Variants in ANKRD11 observed in about 807,000 individuals in gnomAD.
The protein encoded by ANKRD11 is ankyrin repeat domain-containing protein 11.
Under a neutral mutation model 195.7 loss-of-function variants are expected in ANKRD11, and 17 were observed. The observed-to-expected ratio is 0.09, with a 90% confidence interval of 0.06 to 0.13. The LOEUF (loss-of-function observed/expected upper bound fraction) is 0.13, where lower values mean the gene tolerates loss of function less well. Among genes scored for constraint, ANKRD11 ranks in the 10% least tolerant of loss-of-function variants. The pLI is 1.00. For synonymous variants in ANKRD11, 1,953 were observed against 1,528.1 expected (o/e 1.28, Z -6.49); for missense variants, 3,735 against 3,566.1 (o/e 1.05, Z -1.21).
chr16:89,286,222 GAGA>G, intron 7 of ANKRD11, 36 bp from the exon 8 acceptor site: 1 of 1,608,162 alleles, frequency 6.2e-7, no homozygotes, highest in Non-Finnish European at 8.5e-7. Flanking sequence ...GGGACTGCTG[GAGA>G]AGCACAACTC....
intron 1 of ANKRD11, among the ~76,000 whole-genome samples, chr16:89,447,450 G>C (rs1207376144): frequency 1.3e-5 from 2 of 152,140 alleles, no homozygotes; most frequent in African/African-American, 2.4e-5. Context: ...ACCCAAATCA[G>C]AGGGTCCTCA....
rs79792635 is a variant in ANKRD11, at chr16:89,381,727, G to T, written c.-60+36557C>A. 5.2e-3 allele frequency among the ~76,000 whole-genome samples: 794 copies of T among 152,224 alleles called. 28 individuals carry two copies. The highest frequency in any genetic ancestry group is 0.041 in the Admixed American group (622 of 15,288). ...CTCTGCTACTCACATTCAGACTGGA[G>T]AATACCTGTCAGCATATACACCCCT... On this transcript the variant is annotated intron_variant, in intron 2 of 12. Transcript: ENST00000301030.
In ANKRD11 at chr16:89,301,328, A is replaced by G. The variant is rs138991911; in HGVS notation, c.226+3878T>C. Reference sequence around the variant, plus strand: ...ATAAAAAAGTAGACAAAGTAGTATCATTTGAAGCAAATCCCAGATATCATA... The same window carrying G: ...ATAAAAAAGTAGACAAAGTAGTATCGTTTGAAGCAAATCCCAGATATCATA... On this transcript the variant is annotated intron_variant, in intron 4 of 12. Transcript: ENST00000301030. 5.2e-3 allele frequency: 2,020 copies of G among 387,176 alleles called. 11 individuals are homozygous for G. The highest frequency in any genetic ancestry group is 0.029 in the South Asian group (204 of 7,090). 24.0% of individuals were successfully genotyped at this position (387,176 alleles called of 1,614,324 possible).
rs1257714722 is a variant in ANKRD11, at chr16:89,384,874, G to GTTTTTTTTTTTTT, written c.-60+33409_-60+33410insAAAAAAAAAAAAA. ...GTGTGGGAGCACACAATGAGAAATA[G>GTTTTTTTTTTTTT]TTTTCTTTTTTTTTTTTTTTTTTTT... On this transcript the variant is annotated intron_variant, in intron 2 of 12. Coordinates refer to ENST00000301030, the MANE Select transcript of ANKRD11 (RefSeq NM_013275.6). Among the ~76,000 whole-genome samples, 10 of 72,742 alleles carry GTTTTTTTTTTTTT rather than the reference G, an allele frequency of 1.4e-4. 1 individual carries two copies. Among genetic ancestry groups the GTTTTTTTTTTTTT allele is most frequent in the African/African-American group, 4.5e-4 (8 of 17,756 alleles). 47.7% of individuals were successfully genotyped at this position (72,742 alleles called of 152,430 possible).
At chr16:89,445,013 C>T (rs115905540) in intron 1 of ANKRD11, among the ~76,000 whole-genome samples, 263 of 152,228 alleles carry the variant, frequency 1.7e-3, no homozygotes, top group African/African-American at 6.1e-3. Flanking sequence ...CACACAGACC[C>T]GTTCAGCACC....
chr16:89,285,228 C>T lies in ANKRD11; in HGVS notation c.1314G>A (p.Lys438=), dbSNP rs2034566336. The change falls in exon 9 of 13, where the codon AAG becomes AAA. Residue 438 remains lysine, a synonymous_variant. Transcript: ENST00000301030. The surrounding 1 kb of genome is among the most constrained non-coding windows in gnomAD (Gnocchi z 5.6). The part of the protein sequence containing the change: ...LSAHTILPGS[K]TREPSNAKQQ... ...GCTTGGCATTAGAAGGCTCTCGTGT[C>T]TTACTACCAGGCAATATCGTATGTG... 3 of 1,613,796 alleles carry T rather than the reference C, an allele frequency of 1.9e-6. No individual in the cohort carries two copies. The highest frequency in any genetic ancestry group is 2.5e-6 in the Non-Finnish European group (3 of 1,180,020).
chr16:89,288,949 G>A (rs561641676), intron 6 of ANKRD11: 3 of 549,298 alleles, frequency 5.5e-6, no homozygotes, highest in South Asian at 4.0e-5. Context: ...AAAAGGGTAG[G>A]AAATCAGTGA....
At chr16:89,462,150 C>T (rs1249897867) in intron 1 of ANKRD11, among the ~76,000 whole-genome samples, 1 of 152,006 alleles carries the variant, frequency 6.6e-6, no homozygotes, top group Non-Finnish European at 1.5e-5. Context: ...GACTGTACTG[C>T]TGCCATCTCG....
At chr16:89,432,280 C>T (rs970369104) in intron 1 of ANKRD11, among the ~76,000 whole-genome samples, 6 of 148,688 alleles carry the variant, frequency 4.0e-5, no homozygotes, top group Non-Finnish European at 8.9e-5. Flanking sequence ...CACACACACC[C>T]CTGGAAAATA....
chr16:89,458,272 T>G (rs1567833208), intron 1 of ANKRD11, among the ~76,000 whole-genome samples: 3 of 152,102 alleles, frequency 2.0e-5, no homozygotes. Flanking sequence ...TCACCCAGGT[T>G]GGAGTGCAGT....
Position 89,305,242 on chromosome 16 carries a change from C to T in ANKRD11, c.190G>A (p.Ala64Thr), listed in dbSNP as rs758197438. The stretch of plus-strand genomic sequence containing the variant: ...TCCTTCTGCTCCCCATTGGCGCCCG[C>T]GGTGAAGGGCAGCTTCCGCTTGCTG... Reference protein sequence around the residue: ...RASKRKLPFTAGANGEQKDSD... With the variant: ...RASKRKLPFTTGANGEQKDSD... Residue 64 changes from alanine to threonine, a missense_variant, in exon 4 of 13, where the codon GCG becomes ACG. Transcript: ENST00000301030. 2.2e-5 allele frequency: 36 copies of T among 1,613,690 alleles called. No individual in the cohort carries two copies. The highest frequency in any genetic ancestry group is 1.1e-4 in the East Asian group (5 of 44,896).
At chr16:89,309,006 G>A (rs530582343) in intron 3 of ANKRD11, among the ~76,000 whole-genome samples, 26 of 152,310 alleles carry the variant, frequency 1.7e-4, no homozygotes, top group South Asian at 4.1e-4. Flanking sequence ...ATAAGACTGG[G>A]CTCAATCCCT....
At chr16:89,395,269 G>A (rs538112912) in intron 2 of ANKRD11, among the ~76,000 whole-genome samples, 1 of 152,352 alleles carries the variant, frequency 6.6e-6, no homozygotes, top group Admixed American at 6.5e-5. Flanking sequence ...GAAGGGCTGC[G>A]TACTGCCAGA....
At chr16:89,352,664 T>G (rs1208920380) in intron 2 of ANKRD11, among the ~76,000 whole-genome samples, 1 of 152,146 alleles carries the variant, frequency 6.6e-6, no homozygotes, top group African/African-American at 2.4e-5. Context: ...AGCACCAAAG[T>G]GTTCTGTGCC....
At chr16:89,333,913 T>C (rs1304151984) in intron 2 of ANKRD11, among the ~76,000 whole-genome samples, 1 of 152,044 alleles carries the variant, frequency 6.6e-6, no homozygotes, top group African/African-American at 2.4e-5. Context: ...AGAGATAAAC[T>C]ACTTTCTCAC....
Position 89,281,975 on chromosome 16 carries a change from G to C in ANKRD11, c.4567C>G (p.Pro1523Ala). Reference protein sequence around the residue: ...VLKDKSRDEGPRLGDAKLKEK... With the variant: ...VLKDKSRDEGARLGDAKLKEK... ...TTCAGTTTGGCATCGCCGAGCCTCGGGCCCTCGTCCCTGGACTTGTCTTTG... is the reference window on the plus strand; with the variant it reads ...TTCAGTTTGGCATCGCCGAGCCTCGCGCCCTCGTCCCTGGACTTGTCTTTG... The change falls in exon 9 of 13, where the codon CCG becomes GCG. Residue 1523 changes from proline to alanine, a missense_variant. Transcript: ENST00000301030. The surrounding 1 kb of genome is among the most constrained non-coding windows in gnomAD (Gnocchi z 5.5). 6.2e-7 allele frequency: 1 copy of C among 1,612,754 alleles called. No homozygotes were observed. The highest frequency in any genetic ancestry group is 8.5e-7 in the Non-Finnish European group (1 of 1,180,020).
Position 89,316,813 on chromosome 16 carries a change from C to G in ANKRD11, c.87+120G>C, listed in dbSNP as rs151209727. The G allele has an allele frequency of 1.4e-3, 1,682 of 1,241,226 alleles. 15 individuals are homozygous for G. The African/African-American group carries it at 0.022, about 17-fold the overall frequency. 76.9% of individuals were successfully genotyped at this position (1,241,226 alleles called of 1,614,324 possible). A position where few individuals can be genotyped will look rare whatever the true frequency, so the allele number is the denominator to read the frequency against. On this transcript the variant is annotated intron_variant, in intron 3 of 12. Coordinates refer to ENST00000301030, the MANE Select transcript of ANKRD11 (RefSeq NM_013275.6). ...CACCCTCTCCACTCCTGGCTGCAGACAGAGGCACGAGGAAAGGGCCGGAGG... is the reference window on the plus strand; with the variant it reads ...CACCCTCTCCACTCCTGGCTGCAGAGAGAGGCACGAGGAAAGGGCCGGAGG...
intron 2 of ANKRD11, among the ~76,000 whole-genome samples, chr16:89,373,718 C>A (rs779214784): frequency 2.0e-5 from 3 of 152,228 alleles, no homozygotes; most frequent in Non-Finnish European, 2.9e-5. Flanking sequence ...GCAGACACAA[C>A]CCCACGCGGG....
chr16:89,336,416 G>GT (rs1320774878), intron 2 of ANKRD11, among the ~76,000 whole-genome samples: 3 of 152,252 alleles, frequency 2.0e-5, no homozygotes, highest in African/African-American at 7.2e-5. Context: ...GAAGGAGTCT[G>GT]TTTGCTGTGG....
Sources: allele counts gnomAD v4.1 joint callset (sites outside exome capture counted in the v4.1 genomes callset), GRCh38; gene constraint gnomAD v4.1.1; non-coding constraint Gnocchi (gnomAD v3.1); transcripts MANE v1.5; gene names NCBI Gene and HGNC (gene_info 2026-07-23, HGNC 2026-07-21).